Variants in PDHX observed in about 807,000 individuals in gnomAD.
The protein encoded by PDHX is pyruvate dehydrogenase complex component X.
PDHX carries 33 observed loss-of-function variants against 55.3 expected under a neutral mutation model. The observed-to-expected ratio is 0.60, with a 90% CI of 0.45 to 0.80. PDHX has a LOEUF of 0.80. Ranked by LOEUF, PDHX falls within the 30% of genes least tolerant of loss-of-function variation. PDHX has a pLI of 0.00. For missense variants in PDHX, 622 were observed against 619.9 expected (o/e 1.00, Z -0.04); for synonymous variants, 226 against 219.4 (o/e 1.03, Z -0.27).
intron 8 of PDHX, among the ~76,000 whole-genome samples, chr11:34,980,348 G>GTTTTTTTTTTTTTTTTTTTT (rs1319243948): frequency 6.6e-5 from 2 of 30,530 alleles, no homozygotes; most frequent in African/African-American, 2.4e-4. Flanking sequence ...GTTTAAGATA[G>GTTTTTTTTTTTTTTTTTTTT]TTTCTTTTTT....
chr11:34,990,145 G>T (rs1204927305), intron 9 of PDHX, among the ~76,000 whole-genome samples: 1 of 152,126 alleles, frequency 6.6e-6, no homozygotes, highest in African/African-American at 2.4e-5. Context: ...CTTGGATCCT[G>T]TGTTATTCTT....
At chr11:34,938,055 A>G (rs1368378625) in intron 2 of PDHX, among the ~76,000 whole-genome samples, 2 of 152,230 alleles carry the variant, frequency 1.3e-5, no homozygotes, top group Non-Finnish European at 2.9e-5. Context: ...ACTTCTAGTA[A>G]TGAAAAATAT....
intron 8 of PDHX, among the ~76,000 whole-genome samples, chr11:34,981,877 G>A (rs1250462690): frequency 6.6e-6 from 1 of 152,166 alleles, no homozygotes; most frequent in Non-Finnish European, 1.5e-5. Context: ...ATTTGTTTGA[G>A]TTCATTGTAG....
intron 8 of PDHX, among the ~76,000 whole-genome samples, chr11:34,981,482 G>A (rs1185747522): frequency 6.6e-6 from 1 of 152,172 alleles, no homozygotes. Flanking sequence ...TGTCTTTATA[G>A]CAGCATGATT....
chr11:34,931,824 G>C (rs1854181708), intron 2 of PDHX, among the ~76,000 whole-genome samples: 1 of 106,358 alleles, frequency 9.4e-6, no homozygotes, highest in Admixed American at 8.1e-5. Context: ...GTGTGTGTGT[G>C]TGTGTGTGTG....
intron 2 of PDHX, among the ~76,000 whole-genome samples, chr11:34,931,722 G>A (rs1410012257): frequency 6.6e-6 from 1 of 151,624 alleles, no homozygotes; most frequent in East Asian, 1.9e-4. Flanking sequence ...ATATTTTAAG[G>A]CTTTTTCCCC....
intron 3 of PDHX, 29 bp from the exon 4 acceptor site, chr11:34,957,355 C>A: frequency 7.0e-7 from 1 of 1,434,188 alleles, no homozygotes; most frequent in African/African-American, 1.4e-5. Context: ...GGTTTTACTT[C>A]TCTACAGTTA....
At chr11:34,973,732 C>G (rs1855303206) in intron 7 of PDHX, among the ~76,000 whole-genome samples, 1 of 152,072 alleles carries the variant, frequency 6.6e-6, no homozygotes, top group African/African-American at 2.4e-5. Flanking sequence ...TGTTTTACTT[C>G]TATATATGAT....
intron 7 of PDHX, among the ~76,000 whole-genome samples, chr11:34,973,230 C>T (rs959935779): frequency 6.6e-6 from 1 of 152,216 alleles, no homozygotes; most frequent in Non-Finnish European, 1.5e-5. Context: ...TTCTTTATCA[C>T]ATCTGTAGCC....
At chr11:34,953,713 C>G (rs1016638452) in intron 3 of PDHX, among the ~76,000 whole-genome samples, 1 of 152,178 alleles carries the variant, frequency 6.6e-6, no homozygotes, top group Non-Finnish European at 1.5e-5. Context: ...TGGATACCAT[C>G]TCTGATGTTA....
Position 34,995,223 on chromosome 11 carries a change from A to C in PDHX, c.*51A>C. On this transcript the variant is annotated 3_prime_UTR_variant, in exon 11 of 11. Transcript: ENST00000227868. ...CAGCTTAGTTGATTCAGTAGTTGTT[A>C]CCAAGAAACATATGTTATAGGAAAA... The C allele has an allele frequency of 6.3e-7, 1 of 1,585,258 alleles. No homozygotes were observed. The highest frequency in any genetic ancestry group is 8.7e-7 in the Non-Finnish European group (1 of 1,155,300).
intron 2 of PDHX, among the ~76,000 whole-genome samples, chr11:34,940,847 G>A (rs1257551938): frequency 1.3e-5 from 2 of 152,058 alleles, no homozygotes; most frequent in Non-Finnish European, 2.9e-5. Flanking sequence ...TTCAGATTTA[G>A]CATGATTAAG....
intron 1 of PDHX, among the ~76,000 whole-genome samples, chr11:34,917,811 A>T (rs887790945): frequency 6.6e-6 from 1 of 152,164 alleles, no homozygotes. Flanking sequence ...CTTGGAGCAG[A>T]GGTGCTTTAA....
At chr11:34,933,751 T>C (rs1854233820) in intron 2 of PDHX, among the ~76,000 whole-genome samples, 1 of 152,108 alleles carries the variant, frequency 6.6e-6, no homozygotes, top group African/African-American at 2.4e-5. Context: ...GCTTTTAATA[T>C]CTTGTCAGTT....
intron 2 of PDHX, among the ~76,000 whole-genome samples, chr11:34,946,758 G>C (rs575026534): frequency 1.3e-5 from 2 of 152,302 alleles, no homozygotes; most frequent in African/African-American, 4.8e-5. Context: ...ATGAGTAGAA[G>C]AACCCTGACT....
intron 2 of PDHX, among the ~76,000 whole-genome samples, chr11:34,936,206 A>G (rs1280213433): frequency 1.3e-5 from 2 of 152,326 alleles, no homozygotes; most frequent in Middle Eastern, 3.4e-3. Context: ...GGGTTGAGCC[A>G]CTATGGAGGT....
chr11:34,925,700 G>A (rs1008867026), intron 1 of PDHX, among the ~76,000 whole-genome samples: 1 of 152,178 alleles, frequency 6.6e-6, no homozygotes, highest in African/African-American at 2.4e-5. Context: ...ATCTTTGTAT[G>A]TGTACAAGCT....
chr11:34,978,236 A>G (rs916375514), intron 8 of PDHX, 54 bp downstream of exon 8: 1 of 985,726 alleles, frequency 1.0e-6, no homozygotes, highest in African/African-American at 1.6e-5. Context: ...CATGTCGTGG[A>G]ATTTTTACAA....
chr11:34,983,042 A>G (rs61882181), intron 8 of PDHX, among the ~76,000 whole-genome samples: 8 of 152,328 alleles, frequency 5.3e-5, no homozygotes, highest in South Asian at 2.1e-4. Context: ...CTGGCAAACC[A>G]AATCCAGCAG....
Sources: allele counts gnomAD v4.1 joint callset (sites outside exome capture counted in the v4.1 genomes callset), GRCh38; gene constraint gnomAD v4.1.1; transcripts MANE v1.5; gene names NCBI Gene and HGNC (gene_info 2026-07-23, HGNC 2026-07-21).